The following WASHC4 variants were observed in gnomAD, a reference collection of about 807,000 sequenced individuals.
WASHC4 encodes WASH complex subunit 7.
WASHC4 carries 86 observed loss-of-function variants against 166.6 expected under a neutral mutation model. That is an observed-to-expected ratio of 0.52 (90% CI 0.43 to 0.62). The LOEUF (loss-of-function observed/expected upper bound fraction) is 0.62. Ranked by LOEUF, WASHC4 falls within the 20% of genes least tolerant of loss-of-function variation. The probability of loss-of-function intolerance (pLI) is 0.00; values close to 1 mark genes in which losing one functional copy is unlikely to be tolerated. For missense variants in WASHC4, 1,262 were observed against 1,382.4 expected (o/e 0.91, Z 1.38); for synonymous variants, 446 against 451.6 (o/e 0.99, Z 0.16).
chr12:105,132,288 C>T (rs559764728), intron 13 of WASHC4, among the ~76,000 whole-genome samples: 3 of 152,330 alleles, frequency 2.0e-5, no homozygotes, highest in Non-Finnish European at 4.4e-5. Context: ...TCTCTTGCCT[C>T]AGCCTCCGGA....
chr12:105,119,876 G>A (rs923351466), intron 7 of WASHC4, among the ~76,000 whole-genome samples: 3 of 152,204 alleles, frequency 2.0e-5, no homozygotes, highest in Non-Finnish European at 1.5e-5. Flanking sequence ...CTAGTAGTAT[G>A]CACTGTTTTT....
intron 28 of WASHC4, among the ~76,000 whole-genome samples, chr12:105,159,403 G>C (rs1884357812): frequency 6.6e-6 from 1 of 152,202 alleles, no homozygotes; most frequent in Non-Finnish European, 1.5e-5. Flanking sequence ...TCCTAATCCT[G>C]CGTAATTGTA....
At chr12:105,116,113 A>G (rs922566398) in intron 6 of WASHC4, among the ~76,000 whole-genome samples, 2 of 152,150 alleles carry the variant, frequency 1.3e-5, no homozygotes, top group African/African-American at 4.8e-5. Flanking sequence ...CCATGCTTCT[A>G]ACAGCTTGTT....
rs1189566951 is a variant in WASHC4 at position 105,120,659 on chromosome 12, T to C, written c.561+62T>C. ...TATTACTATATTTTACTTTGGAGTT[T>C]GTATGGTTGGAGAGTATGACAGTCA... On this transcript the variant is annotated intron_variant, in intron 8 of 32. Transcript: ENST00000332180. The C allele has an allele frequency of 3.6e-5, 42 of 1,175,302 alleles. 1 individual carries two copies. The South Asian group carries it at 3.7e-4, about 10-fold the overall frequency. The allele number at this position is 1,175,302 out of a possible 1,614,324, so 72.8% of individuals were successfully genotyped here.
chr12:105,120,616 G>T lies in WASHC4; in HGVS notation c.561+19G>T. 6.4e-7 allele frequency: 1 copy of T among 1,562,502 alleles called. No individual in the cohort carries two copies. Among genetic ancestry groups the T allele is most frequent in the Admixed American group, 1.7e-5 (1 of 59,914 alleles). Reference sequence around the variant, plus strand: ...TTTTCAGGTAAAAGACATTTAGCTTGACCTGTAAAACTGTAATTATTACTA... The same window carrying T: ...TTTTCAGGTAAAAGACATTTAGCTTTACCTGTAAAACTGTAATTATTACTA... On this transcript the variant is annotated intron_variant, in intron 8 of 32. Coordinates refer to ENST00000332180, the MANE Select transcript of WASHC4 (RefSeq NM_015275.3).
chr12:105,158,400 T>G (rs989561901), intron 28 of WASHC4, among the ~76,000 whole-genome samples: 3 of 152,198 alleles, frequency 2.0e-5, no homozygotes, highest in Non-Finnish European at 4.4e-5. Flanking sequence ...AGCAGACAGA[T>G]GTAATGTGGC....
At chr12:105,110,207 G>T (rs1879533561) in intron 1 of WASHC4, among the ~76,000 whole-genome samples, 1 of 152,184 alleles carries the variant, frequency 6.6e-6, no homozygotes, top group Non-Finnish European at 1.5e-5. Context: ...GAGAGTGGGG[G>T]CTAGGTCTTT....
intron 31 of WASHC4, 25 bp from the exon 32 acceptor site, chr12:105,164,611 TTTTTA>T: frequency 6.6e-7 from 1 of 1,517,426 alleles, no homozygotes; most frequent in South Asian, 1.2e-5. Context: ...GTATTTTTGG[TTTTTA>T]TTTCAAATTT....
chr12:105,146,398 T>C (rs1394804273), intron 22 of WASHC4, 54 bp from the exon 23 acceptor site: 25 of 1,056,170 alleles, frequency 2.4e-5, no homozygotes, highest in Non-Finnish European at 3.5e-5. Flanking sequence ...GATACAAGTT[T>C]AACTGATTAT....
chr12:105,152,216 C>A, intron 25 of WASHC4, 127 bp from the exon 26 acceptor site: 1 of 637,486 alleles, frequency 1.6e-6, no homozygotes, highest in African/African-American at 1.8e-5. Flanking sequence ...AATTATTAAT[C>A]TTAATTAATT....
At chr12:105,151,389 T>C (rs1339757129) in intron 25 of WASHC4, among the ~76,000 whole-genome samples, 1 of 150,460 alleles carries the variant, frequency 6.6e-6, no homozygotes, top group East Asian at 1.9e-4. Context: ...TAATGGTTGC[T>C]AGTTCTCTTC....
chr12:105,138,062 G>C (rs1372682815), intron 15 of WASHC4, 51 bp downstream of exon 15: 11 of 1,569,942 alleles, frequency 7.0e-6, no homozygotes, highest in Non-Finnish European at 9.5e-6. Context: ...AATGACCCAG[G>C]CTTAAATTAG....
Position 105,168,332 on chromosome 12 carries a change from TA to T in WASHC4, c.*1402del, listed in dbSNP as rs1884914049. 1.3e-5 allele frequency: 2 copies of T among 152,538 alleles called. No homozygotes were observed. The highest frequency in any genetic ancestry group is 4.8e-5 in the African/African-American group (2 of 41,448). The allele number at this position is 152,538 out of a possible 1,614,324, so 9.4% of individuals were successfully genotyped here. The stretch of plus-strand genomic sequence containing the variant: ...ATTATGTAAACATGGCTTACAGAAT[TA>T]TGAACAGTGGATAGATTAAAGGCAT... On this transcript the variant is annotated 3_prime_UTR_variant, in exon 33 of 33. Transcript: ENST00000332180.
intron 31 of WASHC4, 37 bp from the exon 32 acceptor site, chr12:105,164,604 T>C: frequency 7.0e-7 from 1 of 1,429,216 alleles, no homozygotes; most frequent in Non-Finnish European, 9.8e-7. Context: ...ATAATAAGTA[T>C]TTTTGGTTTT....
chr12:105,122,542 C>T (rs1880861241), intron 10 of WASHC4, among the ~76,000 whole-genome samples: 1 of 151,764 alleles, frequency 6.6e-6, no homozygotes, highest in Non-Finnish European at 1.5e-5. Flanking sequence ...TTGCATTTCG[C>T]TTTATTGCAT....
At chr12:105,144,492 C>CTTTTT in intron 21 of WASHC4, 37 bp downstream of exon 21, 2 of 1,338,724 alleles carry the variant, frequency 1.5e-6, no homozygotes, top group Non-Finnish European at 2.1e-6. Flanking sequence ...GTCATATTCT[C>CTTTTT]TTTTTTTTTT....
At chr12:105,125,111 A>G (rs755304101) in intron 10 of WASHC4, among the ~76,000 whole-genome samples, 7 of 152,316 alleles carry the variant, frequency 4.6e-5, no homozygotes, top group Non-Finnish European at 1.0e-4. Flanking sequence ...ATATACTTCA[A>G]GGTTACCTTT....
At chr12:105,109,572 G>A (rs1592833835) in intron 1 of WASHC4, among the ~76,000 whole-genome samples, 2 of 151,002 alleles carry the variant, frequency 1.3e-5, no homozygotes, top group Non-Finnish European at 3.0e-5. Flanking sequence ...GTTATTTTAG[G>A]TTTTCTGTTT....
chr12:105,146,958 T>C (rs1883346517), intron 23 of WASHC4, 84 bp from the exon 24 acceptor site: 1 of 782,850 alleles, frequency 1.3e-6, no homozygotes, highest in South Asian at 1.4e-5. Flanking sequence ...ATGAAATAGA[T>C]TCTAAAATTT....
Sources: gnomAD v4.1 joint callset for allele counts (sites outside exome capture counted in the v4.1 genomes callset) on GRCh38, gnomAD v4.1.1 for gene constraint, MANE v1.5 for transcripts, NCBI Gene and HGNC (gene_info 2026-07-23, HGNC 2026-07-21) for gene names.